NCAPG: variants seen among roughly 807,000 people sequenced by gnomAD.
NCAPG encodes condensin complex subunit 3.
In NCAPG, 69 loss-of-function variants were observed where a neutral mutation model predicts 113.1. The ratio of observed to expected loss-of-function variants is 0.61; its 90% CI spans 0.50 to 0.75. NCAPG has a LOEUF of 0.75. NCAPG is among the 30% of genes least tolerant of loss of function. The pLI is 0.00. For synonymous variants in NCAPG, 370 were observed against 415.8 expected (o/e 0.89, Z 1.34); for missense variants, 1,058 against 1,177.0 (o/e 0.90, Z 1.48).
At chr4:17,815,020 T>G in intron 4 of NCAPG, 22 bp downstream of exon 4, 1 of 1,612,908 alleles carries the variant, frequency 6.2e-7, no homozygotes, top group Non-Finnish European at 8.5e-7. Flanking sequence ...CAATGTCTTG[T>G]GTTGGCATAT....
intron 11 of NCAPG, among the ~76,000 whole-genome samples, chr4:17,826,856 G>T (rs1721674944): frequency 6.6e-6 from 1 of 152,192 alleles, no homozygotes; most frequent in African/African-American, 2.4e-5. Flanking sequence ...AACAGTCAGA[G>T]GATACTTTTT....
At chr4:17,826,917 C>A (rs1050261454) in intron 11 of NCAPG, among the ~76,000 whole-genome samples, 1 of 152,186 alleles carries the variant, frequency 6.6e-6, no homozygotes, top group Admixed American at 6.5e-5. Flanking sequence ...TCATTCTTTT[C>A]TTCCTATAGG....
rs1448065149 is a variant in NCAPG at position 17,811,137 on chromosome 4, G to A, written c.60G>A (p.Pro20=). ...IKEAFRLAQQ[P]HQNQAKLVVA... is the part of the protein sequence containing the mutation. ...AGGCCTTTCGGCTGGCGCAGCAGCCGCACCAGAACCAGGCGAAGCTGGTGG... is the reference window on the plus strand; with the variant it reads ...AGGCCTTTCGGCTGGCGCAGCAGCCACACCAGAACCAGGCGAAGCTGGTGG... The change falls in exon 1 of 21, where the codon CCG becomes CCA. Residue 20 remains proline, a synonymous_variant. Coordinates refer to ENST00000251496, the MANE Select transcript of NCAPG (RefSeq NM_022346.5). This position sits in a 1 kb window ranked among gnomAD's most constrained non-coding sequence, Gnocchi z 5.3. 5 of 1,518,160 alleles carry A rather than the reference G, an allele frequency of 3.3e-6. No homozygotes were observed. Among genetic ancestry groups the A allele is most frequent in the East Asian group, 2.8e-5 (1 of 36,122 alleles). 94.0% of individuals were successfully genotyped at this position (1,518,160 alleles called of 1,614,324 possible).
chr4:17,817,376 A>G lies in NCAPG; in HGVS notation c.891A>G (p.Ala297=). The G allele has an allele frequency of 1.2e-6, 2 of 1,614,112 alleles. No individual in the cohort carries two copies. Among genetic ancestry groups the G allele is most frequent in the Non-Finnish European group, 8.5e-7 (1 of 1,179,984 alleles). ...RLDVENSSEV[A]VSVLNALFSI... is the part of the protein sequence containing the mutation. ...ATGTAGAAAATTCTTCTGAAGTGGC[A>G]GTCTCTGTTCTCAATGCCTTGTTTT... Residue 297 remains alanine (A), a synonymous_variant, in exon 6 of 21, where the codon GCA becomes GCG. Coordinates refer to ENST00000251496, the MANE Select transcript of NCAPG (RefSeq NM_022346.5).
chr4:17,817,673 TC>T (rs1721270883), intron 6 of NCAPG, among the ~76,000 whole-genome samples: 1 of 152,178 alleles, frequency 6.6e-6, no homozygotes, highest in African/African-American at 2.4e-5. Flanking sequence ...GCTATGCTTT[TC>T]CCCCCTTCAG....
chr4:17,812,853 A>C (rs551038075), intron 2 of NCAPG, 64 bp from the exon 3 acceptor site: 2 of 1,341,862 alleles, frequency 1.5e-6, no homozygotes, highest in Non-Finnish European at 1.1e-6. Flanking sequence ...TAGAGTTCAG[A>C]TAATATTGAT....
rs531531035 is a variant in NCAPG, at chr4:17,811,148, A to C, written c.71A>C (p.Gln24Pro). 976 of 1,519,676 alleles carry C rather than the reference A, an allele frequency of 6.4e-4. 12 individuals carry two copies. In the South Asian group the frequency reaches 0.011, roughly 18 times the overall value. 94.1% of individuals were successfully genotyped at this position (1,519,676 alleles called of 1,614,324 possible). A position where few individuals can be genotyped will look rare whatever the true frequency, so the allele number is the denominator to read the frequency against. The change falls in exon 1 of 21, where the codon CAG (glutamine) becomes CCG (proline). Residue 24 changes from glutamine to proline, a missense_variant. Coordinates refer to ENST00000251496, the MANE Select transcript of NCAPG (RefSeq NM_022346.5). This position sits in a 1 kb window ranked among gnomAD's most constrained non-coding sequence, Gnocchi z 5.3. ...CTGGCGCAGCAGCCGCACCAGAACCAGGCGAAGCTGGTGGTGGCGCTGAGC... is the reference window on the plus strand; with the variant it reads ...CTGGCGCAGCAGCCGCACCAGAACCCGGCGAAGCTGGTGGTGGCGCTGAGC... ...FRLAQQPHQN[Q>P]AKLVVALSRT...
At chr4:17,836,856 A>G (rs1286137112) in intron 14 of NCAPG, among the ~76,000 whole-genome samples, 1 of 152,090 alleles carries the variant, frequency 6.6e-6, no homozygotes, top group Non-Finnish European at 1.5e-5. Flanking sequence ...GCATTTAAAT[A>G]TATGTTTTGC....
In NCAPG at chr4:17,840,679, TAA is replaced by T. The variant is rs527561771; in HGVS notation, c.2842_2843del (p.Lys948AspfsTer2). 2.1e-4 allele frequency: 322 copies of T among 1,549,412 alleles called. 2 individuals carry two copies. The East Asian group carries it at 6.8e-3, about 33-fold the overall frequency. On this transcript the variant is annotated frameshift_variant, in exon 19 of 21. Transcript: ENST00000251496. LOFTEE classifies it high-confidence loss of function. ...ACCCAAGCATCAAAGTCTACTCAGC[TAA>T]AGACTAACAGAGGTAGTGTGTGGAT...
chr4:17,837,667 C>T lies in NCAPG; in HGVS notation c.2332C>T (p.Leu778=). 1.2e-6 allele frequency: 2 copies of T among 1,613,948 alleles called. No individual in the cohort carries two copies. The highest frequency in any genetic ancestry group is 1.7e-6 in the Non-Finnish European group (2 of 1,179,924). The change falls in exon 16 of 21, where the codon CTG becomes TTG. Residue 778 remains leucine, a synonymous_variant. Coordinates refer to ENST00000251496, the MANE Select transcript of NCAPG (RefSeq NM_022346.5). ...CTTTGAAGAAGCTTTTCTTCCAACC[C>T]TGCAAACACTGGCCAATGCCCCTGC... The part of the protein sequence containing the change: ...ECFEEAFLPT[L]QTLANAPASS...
At chr4:17,831,193 T>G in intron 13 of NCAPG, 77 bp downstream of exon 13, 3 of 1,418,780 alleles carry the variant, frequency 2.1e-6, no homozygotes, top group Non-Finnish European at 2.9e-6. Context: ...ACTCTGAATT[T>G]ATCTATTCTG....
chr4:17,825,208 A>T, intron 10 of NCAPG, 151 bp downstream of exon 10: 1 of 794,252 alleles, frequency 1.3e-6, no homozygotes, highest in Non-Finnish European at 2.0e-6. Flanking sequence ...ATGTTACCAC[A>T]TATGTCAGTC....
rs1231592713 is a variant in NCAPG at position 17,812,286 on chromosome 4, T to C, written c.177T>C (p.Tyr59=). 6.2e-7 allele frequency: 1 copy of C among 1,613,856 alleles called. No individual in the cohort carries two copies. Among genetic ancestry groups the C allele is most frequent in the Non-Finnish European group, 8.5e-7 (1 of 1,179,860 alleles). The change falls in exon 2 of 21, where the codon TAT becomes TAC. Residue 59 remains tyrosine (Y), a synonymous_variant. Transcript: ENST00000251496. ...IHYLKYVMVV[Y]KREPAVERVI... ...ACCTTAAATATGTTATGGTGGTCTA[T>C]AAACGTGAACCAGCTGTGGAGAGGG...
In NCAPG at chr4:17,810,982, A is replaced by G. The variant is rs909083288; in HGVS notation, c.-96A>G. The G allele has an allele frequency of 5.3e-5, 34 of 641,856 alleles. No homozygotes were observed. The Admixed American group carries it at 1.3e-3, about 25-fold the overall frequency. 39.8% of individuals were successfully genotyped at this position (641,856 alleles called of 1,614,324 possible). On this transcript the variant is annotated 5_prime_UTR_variant, in exon 1 of 21. Transcript: ENST00000251496. The stretch of plus-strand genomic sequence containing the variant: ...GCGGTAAATACTCCCTGGGGCTGTC[A>G]TAGAAGACTACTCGGAGAGCGCTGC...
At chr4:17,812,037 G>A (rs545092399) in intron 1 of NCAPG, among the ~76,000 whole-genome samples, 184 bp from the exon 2 acceptor site, 3 of 152,174 alleles carry the variant, frequency 2.0e-5, no homozygotes, top group African/African-American at 4.8e-5. Context: ...TCCCATTATA[G>A]CCTGGAGAGA....
intron 12 of NCAPG, among the ~76,000 whole-genome samples, chr4:17,830,500 T>C (rs1284912877): frequency 6.6e-6 from 1 of 151,560 alleles, no homozygotes; most frequent in Non-Finnish European, 1.5e-5. Context: ...GATTAAATAC[T>C]ACAGATACGA....
At chr4:17,819,306 T>C (rs1048163385) in intron 7 of NCAPG, among the ~76,000 whole-genome samples, 1 of 152,174 alleles carries the variant, frequency 6.6e-6, no homozygotes, top group Non-Finnish European at 1.5e-5. Flanking sequence ...TTGGGATTTT[T>C]GGGGGTTAAT....
At chr4:17,812,777 A>G in intron 2 of NCAPG, 140 bp from the exon 3 acceptor site, 1 of 690,894 alleles carries the variant, frequency 1.4e-6, no homozygotes, top group Non-Finnish European at 2.4e-6. Context: ...CATATGGACC[A>G]AGGTAGCATT....
In NCAPG at chr4:17,825,424, T is replaced by C. The variant is rs745375906; in HGVS notation, c.1516T>C (p.Leu506=). ...TAAGCTTATCGAAGCCAAAGAAGCT[T>C]TGGAAAATTGCATTACCTTACAGGA... ...KVKLIEAKEA[L]ENCITLQDFN... is the part of the protein sequence containing the mutation. Residue 506 remains leucine (L), a synonymous_variant, in exon 11 of 21, where the codon TTG becomes CTG. Transcript: ENST00000251496. The C allele has an allele frequency of 6.3e-7, 1 of 1,598,734 alleles. No homozygotes were observed. The highest frequency in any genetic ancestry group is 1.1e-5 in the South Asian group (1 of 88,854).
Sources: gnomAD v4.1 joint callset for allele counts (sites outside exome capture counted in the v4.1 genomes callset) on GRCh38, gnomAD v4.1.1 for gene constraint, Gnocchi (gnomAD v3.1) non-coding constraint, MANE v1.5 for transcripts, NCBI Gene and HGNC (gene_info 2026-07-23, HGNC 2026-07-21) for gene names.